The following CFLAR variants were observed in gnomAD, a reference collection of about 807,000 sequenced individuals.
CFLAR encodes the protein CASP8 and FADD-like apoptosis regulator.
Under a neutral mutation model 51.1 loss-of-function variants are expected in CFLAR, and 14 were observed. The observed-to-expected ratio is 0.27, with a 90% confidence interval of 0.18 to 0.43. CFLAR has a LOEUF of 0.43. Ranked by LOEUF, CFLAR falls within the 20% of genes least tolerant of loss-of-function variation. The pLI is 1.00. For missense variants in CFLAR, 390 were observed against 566.5 expected, an observed-to-expected ratio of 0.69 and a Z score of 3.16; for synonymous variants, 210 against 211.6, an observed-to-expected ratio of 0.99 and a Z score of 0.06.
In CFLAR at chr2:201,163,854, C is replaced by A. The variant is rs1277206661; in HGVS notation, c.1324C>A (p.Leu442Ile). The A allele has an allele frequency of 6.2e-7, 1 of 1,612,458 alleles. No individual in the cohort carries two copies. The highest frequency in any genetic ancestry group is 1.1e-5 in the South Asian group (1 of 90,726). ...RQERKRPLLDLHIELNGYMYD... is the reference protein window; with the variant it reads ...RQERKRPLLDIHIELNGYMYD... ...CTCCAGAAAACGCCCACTCCTGGAT[C>A]TTCACATTGAACTCAATGGCTACAT... The change falls in exon 10 of 10, where the codon CTT (leucine) becomes ATT (isoleucine). Residue 442 changes from leucine (L) to isoleucine (I), a missense_variant. Leu to Ile is a conservative substitution (Grantham distance 5). Transcript: ENST00000309955.
At chr2:201,156,675 A>T (rs568588627) in intron 8 of CFLAR, among the ~76,000 whole-genome samples, 127 of 152,252 alleles carry the variant, frequency 8.3e-4, no homozygotes, top group Middle Eastern at 6.8e-3. Flanking sequence ...TTGAATGAAC[A>T]GCCCTGTACT....
chr2:201,129,949 T>G lies in CFLAR; in HGVS notation c.84T>G (p.Val28=), dbSNP rs745444934. ...TGCTGCTCTTTTTGTGCCGGGATGT[T>G]GCTATAGATGTGGTTCCACCTAATG... The part of the protein sequence containing the change: ...KEMLLFLCRD[V]AIDVVPPNVR... The change falls in exon 2 of 10, where the codon GTT becomes GTG. Residue 28 remains valine (V), a synonymous_variant. Transcript: ENST00000309955. 1 of 1,614,160 alleles carries G rather than the reference T, an allele frequency of 6.2e-7. No individual in the cohort carries two copies. The highest frequency in any genetic ancestry group is 1.7e-5 in the Admixed American group (1 of 60,008).
chr2:201,149,233 T>C (rs12104442), intron 7 of CFLAR, 181 bp downstream of exon 7: 105,097 of 516,362 alleles, frequency 0.2, 12,508 homozygotes, highest in African/African-American at 0.38. Flanking sequence ...TTAAAGTGGA[T>C]TGCATTAGTG....
intron 8 of CFLAR, among the ~76,000 whole-genome samples, chr2:201,153,903 C>CT (rs747813572): frequency 0.039 from 3,990 of 103,030 alleles, 229 homozygotes; most frequent in South Asian, 0.045. Flanking sequence ...TCTTTTCTTT[C>CT]TTTTTTTTTT....
intron 5 of CFLAR, chr2:201,142,565 A>G (rs1168939631): frequency 1.3e-5 from 2 of 152,142 alleles, no homozygotes; most frequent in South Asian, 2.1e-4. Flanking sequence ...GATGTATATA[A>G]TAAACTATAT....
chr2:201,172,388 C>T lies in CFLAR; in HGVS notation c.*8415C>T, dbSNP rs536015025. On this transcript the variant is annotated 3_prime_UTR_variant, in exon 10 of 10. Coordinates refer to ENST00000309955, the MANE Select transcript of CFLAR (RefSeq NM_003879.7). ...TTTGTGGCATGGGATTGTGACATATCCTAGGTTTCCTCATCTTCTTTTTAT... is the reference window on the plus strand; with the variant it reads ...TTTGTGGCATGGGATTGTGACATATTCTAGGTTTCCTCATCTTCTTTTTAT... The T allele has an allele frequency of 1.3e-5, 2 of 152,256 alleles. No homozygotes were observed. The highest frequency in any genetic ancestry group is 2.1e-4 in the South Asian group (1 of 4,832). The allele number at this position is 152,256 out of a possible 1,614,324, so 9.4% of individuals were successfully genotyped here. A position where few individuals can be genotyped will look rare whatever the true frequency, so the allele number is the denominator to read the frequency against.
Position 201,133,198 on chromosome 2 carries a change from G to C in CFLAR, c.387+64G>C, listed in dbSNP as rs12721502. ...ATCAGAAGTGGGAGCTACTCTTGTT[G>C]ATACAGAGAGAGGGAAGCAGGCAGT... On this transcript the variant is annotated intron_variant, in intron 3 of 9. Transcript: ENST00000309955. 833 of 1,207,960 alleles carry C rather than the reference G, an allele frequency of 6.9e-4. 8 individuals are homozygous for C. In the African/African-American group the frequency reaches 9.1e-3, roughly 13 times the overall value. The allele number at this position is 1,207,960 out of a possible 1,614,324, so 74.8% of individuals were successfully genotyped here.
intron 9 of CFLAR, among the ~76,000 whole-genome samples, chr2:201,161,977 G>C (rs944171340): frequency 2.7e-5 from 4 of 150,664 alleles, no homozygotes; most frequent in African/African-American, 9.8e-5. Context: ...GCAACTCCTG[G>C]CCTCAAGTGA....
rs1180510959 is a variant in CFLAR, at chr2:201,149,345, G to A, written c.711+293G>A. ...GTGATACTTCCCTGAACTTTGGCTT[G>A]TTCTGGCTTTTTCTTAGGTTGACAC... On this transcript the variant is annotated intron_variant, in intron 7 of 9. Coordinates refer to ENST00000309955, the MANE Select transcript of CFLAR (RefSeq NM_003879.7). The A allele has an allele frequency of 6.1e-5, 19 of 313,062 alleles. No individual in the cohort carries two copies. The South Asian group carries it at 9.0e-4, about 15-fold the overall frequency. 19.4% of individuals were successfully genotyped at this position (313,062 alleles called of 1,614,324 possible).
rs774776804 is a variant in CFLAR, at chr2:201,160,820, A to G, written c.1182A>G (p.Thr394=). The part of the protein sequence containing the change: ...EFKAQKRGLC[T]VHREADFFWS... ...AGGCTCAGAAGCGAGGGCTGTGCACAGTTCACCGAGAAGCTGACTTCTTCT... is the reference window on the plus strand; with the variant it reads ...AGGCTCAGAAGCGAGGGCTGTGCACGGTTCACCGAGAAGCTGACTTCTTCT... Residue 394 remains threonine, a synonymous_variant, in exon 9 of 10, where the codon ACA becomes ACG. Transcript: ENST00000309955. The G allele has an allele frequency of 6.2e-6, 10 of 1,614,112 alleles. No individual in the cohort carries two copies. Among genetic ancestry groups the G allele is most frequent in the Non-Finnish European group, 8.5e-6 (10 of 1,179,992 alleles).
chr2:201,129,827 C>T lies in CFLAR; in HGVS notation c.-39C>T, dbSNP rs567330318. On this transcript the variant is annotated 5_prime_UTR_variant, in exon 2 of 10. Transcript: ENST00000309955. The stretch of plus-strand genomic sequence containing the variant: ...TTCTGTTGACTGGCCCGGAGCTGTA[C>T]TGCAAGACCCTTGTGAGCTTCCCTA... The T allele has an allele frequency of 6.2e-7, 1 of 1,602,136 alleles. No individual in the cohort carries two copies. The highest frequency in any genetic ancestry group is 8.5e-7 in the Non-Finnish European group (1 of 1,172,136).
rs1314564954 is a variant in CFLAR at position 201,165,181 on chromosome 2, T to G, written c.*1208T>G. 4.6e-5 allele frequency: 7 copies of G among 151,946 alleles called. No homozygotes were observed. The highest frequency in any genetic ancestry group is 1.7e-4 in the African/African-American group (7 of 41,352). The allele number at this position is 151,946 out of a possible 1,614,324, so 9.4% of individuals were successfully genotyped here. A position where few individuals can be genotyped will look rare whatever the true frequency, so the allele number is the denominator to read the frequency against. On this transcript the variant is annotated 3_prime_UTR_variant, in exon 10 of 10. Coordinates refer to ENST00000309955, the MANE Select transcript of CFLAR (RefSeq NM_003879.7). The stretch of plus-strand genomic sequence containing the variant: ...ATTTTACAGCTAGTCAAGTATATCT[T>G]TCTCTGATTTGATAGTGTGACCTAA...
intron 8 of CFLAR, among the ~76,000 whole-genome samples, chr2:201,159,847 C>T (rs1047764118): frequency 2.6e-5 from 4 of 152,190 alleles, no homozygotes; most frequent in Non-Finnish European, 5.9e-5. Context: ...AGCAGCTTAG[C>T]TGGGCTGTTC....
chr2:201,134,984 A>G (rs1053888445), intron 3 of CFLAR, among the ~76,000 whole-genome samples: 2 of 152,190 alleles, frequency 1.3e-5, no homozygotes, highest in Admixed American at 1.3e-4. Context: ...ATTTATATAT[A>G]TCTAAATTAT....
chr2:201,130,855 C>T (rs528153632), intron 2 of CFLAR, among the ~76,000 whole-genome samples: 2 of 152,232 alleles, frequency 1.3e-5, no homozygotes, highest in South Asian at 4.1e-4. Context: ...TGAAGTCAGT[C>T]CTTGATAATT....
At chr2:201,147,991 T>C (rs941382303) in intron 6 of CFLAR, 1 of 152,240 alleles carries the variant, frequency 6.6e-6, no homozygotes, top group Admixed American at 6.5e-5. Flanking sequence ...ATTTAGTAAT[T>C]TCTTGCTAAA....
chr2:201,156,225 T>G (rs1256538658), intron 8 of CFLAR, among the ~76,000 whole-genome samples: 5 of 152,258 alleles, frequency 3.3e-5, no homozygotes, highest in Non-Finnish European at 7.3e-5. Context: ...TGAGAAGCGC[T>G]GCCTAATCTC....
At chr2:201,120,250 A>C (rs1478281297) in intron 1 of CFLAR, among the ~76,000 whole-genome samples, 2 of 150,296 alleles carry the variant, frequency 1.3e-5, no homozygotes, top group African/African-American at 2.5e-5. Context: ...CAGTGGTGCT[A>C]TCTCTGCTCA....
intron 4 of CFLAR, chr2:201,137,894 C>T: frequency 1.3e-6 from 1 of 777,944 alleles, no homozygotes; most frequent in South Asian, 1.3e-5. Flanking sequence ...TGGCGGCCAG[C>T]AGGGAGCCCA....
Sources: allele counts gnomAD v4.1 joint callset (sites outside exome capture counted in the v4.1 genomes callset), GRCh38; gene constraint gnomAD v4.1.1; transcripts MANE v1.5; gene names NCBI Gene and HGNC (gene_info 2026-07-23, HGNC 2026-07-21).